The following RAD54L variants were observed in gnomAD, a reference collection of about 807,000 sequenced individuals.
RAD54L encodes the protein RAD54 like.
In RAD54L, 74 loss-of-function variants were observed where a neutral mutation model predicts 91.6. The ratio of observed to expected loss-of-function variants is 0.81; its 90% CI spans 0.67 to 0.98. RAD54L has a LOEUF of 0.98. Ranked by LOEUF, RAD54L falls within the 50% of genes least tolerant of loss-of-function variation. The pLI, the probability that RAD54L is intolerant of heterozygous loss-of-function variation, is 0.00. For missense variants in RAD54L, 887 were observed against 945.7 expected, an observed-to-expected ratio of 0.94 and a Z score of 0.81; for synonymous variants, 304 against 349.7, an observed-to-expected ratio of 0.87 and a Z score of 1.46.
chr1:46,274,115 T>A, intron 14 of RAD54L, 23 bp from the exon 15 acceptor site: 2 of 1,593,108 alleles, frequency 1.3e-6, no homozygotes, highest in Non-Finnish European at 1.7e-6. Context: ...CTTTATTTTC[T>A]TGGGTCTCGA....
In RAD54L at chr1:46,263,404, G is replaced by T. The variant is rs577332093; in HGVS notation, c.891+2019G>T. ...CTTTGTATACCCCAGAGGTTCTAGTGGAGAGGTGGCTGAAAGACTTGGCCC... is the reference window on the plus strand; with the variant it reads ...CTTTGTATACCCCAGAGGTTCTAGTTGAGAGGTGGCTGAAAGACTTGGCCC... On this transcript the variant is annotated intron_variant, in intron 8 of 17. Coordinates refer to ENST00000371975, the MANE Select transcript of RAD54L (RefSeq NM_003579.4). This position sits in a 1 kb window ranked among gnomAD's most constrained non-coding sequence, Gnocchi z 4.3. Among the ~76,000 whole-genome samples, 12 of 152,170 alleles carry T rather than the reference G, an allele frequency of 7.9e-5. No homozygotes were observed. Among genetic ancestry groups the T allele is most frequent in the Non-Finnish European group, 1.8e-4 (12 of 68,024 alleles).
intron 2 of RAD54L, among the ~76,000 whole-genome samples, chr1:46,249,643 A>G (rs907549574): frequency 4.0e-5 from 6 of 151,472 alleles, no homozygotes; most frequent in Admixed American, 6.6e-5. Flanking sequence ...CCTCTTGGAA[A>G]CTCAGCGAAA....
Position 46,249,869 on chromosome 1 carries a change from A to G in RAD54L, c.91-131A>G, listed in dbSNP as rs1364424879. On this transcript the variant is annotated intron_variant, in intron 2 of 17. Transcript: ENST00000371975. ...TCTACATAATAGAGTTGCTATGAAG[A>G]TGATACACTATGACATGTGTGAAGA... 3 of 953,706 alleles carry G rather than the reference A, an allele frequency of 3.1e-6. No homozygotes were observed. The African/African-American group carries it at 4.9e-5, about 15-fold the overall frequency. 59.1% of individuals were successfully genotyped at this position (953,706 alleles called of 1,614,324 possible). A position where few individuals can be genotyped will look rare whatever the true frequency, so the allele number is the denominator to read the frequency against.
At position 46,261,294 on chromosome 1, in the gene RAD54L, CTT is replaced by C. The variant is rs1660116366; in HGVS notation, c.801_802del (p.Pro269HisfsTer7). 1 of 1,612,744 alleles carries C rather than the reference CTT, an allele frequency of 6.2e-7. No homozygotes were observed. The highest frequency in any genetic ancestry group is 1.1e-5 in the South Asian group (1 of 91,036). ...ATGAACCAGCGTGGAGCCAGGGTGTCTTCTCCCATCCTCATCATTTCCTATGA... is the reference window on the plus strand; with the variant it reads ...ATGAACCAGCGTGGAGCCAGGGTGTCCTCCCATCCTCATCATTTCCTATGA... On this transcript the variant is annotated frameshift_variant, in exon 8 of 18. Coordinates refer to ENST00000371975, the MANE Select transcript of RAD54L (RefSeq NM_003579.4). LOFTEE classifies it high-confidence loss of function.
In RAD54L at chr1:46,247,972, C is replaced by G. The variant is rs1169972045; in HGVS notation, c.-434C>G. The G allele has an allele frequency of 6.7e-6, 2 of 297,340 alleles. No homozygotes were observed. Among genetic ancestry groups the G allele is most frequent in the East Asian group, 8.3e-5 (1 of 12,102 alleles). The allele number at this position is 297,340 out of a possible 1,614,324, so 18.4% of individuals were successfully genotyped here. On this transcript the variant is annotated 5_prime_UTR_variant, in exon 1 of 18. Coordinates refer to ENST00000371975, the MANE Select transcript of RAD54L (RefSeq NM_003579.4). Reference sequence around the variant, plus strand: ...TTCCTTTCTCCAGACTCGCCCTCCCCACCCGGGCCTCGGACTTTCACCCCA... The same window carrying G: ...TTCCTTTCTCCAGACTCGCCCTCCCGACCCGGGCCTCGGACTTTCACCCCA...
chr1:46,249,765 C>T (rs1443029328), intron 2 of RAD54L, among the ~76,000 whole-genome samples: 1 of 152,188 alleles, frequency 6.6e-6, no homozygotes, highest in Non-Finnish European at 1.5e-5. Context: ...TTACCTCTTC[C>T]ATTGCCCCGC....
At chr1:46,267,425 C>G (rs756758491) in intron 8 of RAD54L, 34 bp from the exon 9 acceptor site, 5 of 1,612,866 alleles carry the variant, frequency 3.1e-6, no homozygotes, top group Non-Finnish European at 4.2e-6. Context: ...ATAGGGAATG[C>G]CACATTGCGC....
chr1:46,257,900 G>C (rs932948403), intron 3 of RAD54L, among the ~76,000 whole-genome samples: 33 of 152,112 alleles, frequency 2.2e-4, no homozygotes, highest in African/African-American at 6.5e-4. Flanking sequence ...CTGAGCCTCA[G>C]TTTGCTCATT....
chr1:46,253,269 G>A (rs1659849911), intron 3 of RAD54L, among the ~76,000 whole-genome samples: 1 of 152,196 alleles, frequency 6.6e-6, no homozygotes, highest in Non-Finnish European at 1.5e-5. Flanking sequence ...CTTGTTCACT[G>A]AAACATTTTG....
chr1:46,257,713 T>C (rs1659981782), intron 3 of RAD54L, among the ~76,000 whole-genome samples: 1 of 152,218 alleles, frequency 6.6e-6, no homozygotes, highest in Non-Finnish European at 1.5e-5. Context: ...CCCTTTCTCA[T>C]GTTCCTTCTC....
At position 46,272,609 on chromosome 1, in the gene RAD54L, AG is replaced by A. The variant is rs137895049; in HGVS notation, c.1245-61del. The A allele has an allele frequency of 1.5e-3, 2,419 of 1,613,404 alleles. 35 individuals carry two copies. The African/African-American group carries it at 0.024, about 16-fold the overall frequency. On this transcript the variant is annotated intron_variant, in intron 11 of 17. Transcript: ENST00000371975. ...CTCCTGAAGCATGGCTGGGCTCTCA[AG>A]GTGTTCTCAGAGGGCAGGAGGGTGG...
In RAD54L at chr1:46,248,023, C is replaced by T; in HGVS notation, c.-383C>T. The T allele has an allele frequency of 3.4e-6, 1 of 290,648 alleles. No individual in the cohort carries two copies. Among genetic ancestry groups the T allele is most frequent in the East Asian group, 8.6e-5 (1 of 11,612 alleles). 18.0% of individuals were successfully genotyped at this position (290,648 alleles called of 1,614,324 possible). On this transcript the variant is annotated 5_prime_UTR_variant, in exon 1 of 18. Coordinates refer to ENST00000371975, the MANE Select transcript of RAD54L (RefSeq NM_003579.4). ...GCTTCTCTCTCCTGGCCAGTGATTA[C>T]CCACCCCCAATCCCACCCCGCCCCG...
chr1:46,271,568 G>C (rs1660426216), intron 10 of RAD54L, among the ~76,000 whole-genome samples: 1 of 152,040 alleles, frequency 6.6e-6, no homozygotes, highest in Admixed American at 6.6e-5. Context: ...AGAGGCTGGA[G>C]AATCGCTTGA....
In RAD54L at chr1:46,248,059, A is replaced by G. The variant is rs1475354648; in HGVS notation, c.-347A>G. On this transcript the variant is annotated 5_prime_UTR_variant, in exon 1 of 18. Coordinates refer to ENST00000371975, the MANE Select transcript of RAD54L (RefSeq NM_003579.4). ...TCCCACCCCGCCCCGCCGCGCAACT[A>G]CCTCCTCCCTTCACCCGGACTGGGA... 2.8e-5 allele frequency: 6 copies of G among 213,292 alleles called. No homozygotes were observed. The highest frequency in any genetic ancestry group is 5.2e-5 in the Non-Finnish European group (6 of 116,500). 13.2% of individuals were successfully genotyped at this position (213,292 alleles called of 1,614,324 possible). A position where few individuals can be genotyped will look rare whatever the true frequency, so the allele number is the denominator to read the frequency against.
chr1:46,252,947 CTG>C (rs1348209185), intron 3 of RAD54L, among the ~76,000 whole-genome samples: 2 of 152,084 alleles, frequency 1.3e-5, no homozygotes, highest in Non-Finnish European at 2.9e-5. Context: ...TTGCACGTGA[CTG>C]TAGTCCCAGC....
Position 46,274,236 on chromosome 1 carries a change from C to A in RAD54L, c.1689+20C>A. 1 of 1,586,082 alleles carries A rather than the reference C, an allele frequency of 6.3e-7. No homozygotes were observed. The highest frequency in any genetic ancestry group is 8.7e-7 in the Non-Finnish European group (1 of 1,154,568). Reference sequence around the variant, plus strand: ...CCATCGGTAAATGCACATCCCCGTCCCCACACCACCAATGCAGTATCATCA... The same window carrying A: ...CCATCGGTAAATGCACATCCCCGTCACCACACCACCAATGCAGTATCATCA... On this transcript the variant is annotated intron_variant, in intron 15 of 17. Transcript: ENST00000371975.
At chr1:46,259,864 G>A in intron 4 of RAD54L, 100 bp from the exon 5 acceptor site, 1 of 1,507,670 alleles carries the variant, frequency 6.6e-7, no homozygotes, top group Non-Finnish European at 9.2e-7. Flanking sequence ...AGGGTCATAT[G>A]GGAGCTCGGG....
At chr1:46,276,875 A>G (rs1319012409) in intron 16 of RAD54L, among the ~76,000 whole-genome samples, 1 of 152,122 alleles carries the variant, frequency 6.6e-6, no homozygotes, top group East Asian at 1.9e-4. Flanking sequence ...ATCTCAGCTC[A>G]CTGCAACCTC....
intron 9 of RAD54L, chr1:46,267,825 A>G (rs544363923): frequency 1.6e-6 from 1 of 644,434 alleles, no homozygotes; most frequent in East Asian, 2.9e-5. Flanking sequence ...CCATTTTTCC[A>G]TTGCAGAGGT....
Sources: allele counts gnomAD v4.1 joint callset (sites outside exome capture counted in the v4.1 genomes callset), GRCh38; gene constraint gnomAD v4.1.1; non-coding constraint Gnocchi (gnomAD v3.1); transcripts MANE v1.5; gene names NCBI Gene and HGNC (gene_info 2026-07-23, HGNC 2026-07-21).